The following KCNN2 variants were observed in gnomAD, a reference collection of about 807,000 sequenced individuals.
KCNN2 encodes small conductance calcium-activated potassium channel protein 2.
A neutral mutation model predicts 55.5 loss-of-function variants in KCNN2; 24 were observed. That is an observed-to-expected ratio of 0.43 (90% CI 0.31 to 0.61). The LOEUF (loss-of-function observed/expected upper bound fraction) is 0.61, where lower values mean the gene tolerates loss of function less well. KCNN2 is among the 20% of genes least tolerant of loss of function. The pLI is 0.08. For missense variants in KCNN2, 754 were observed against 853.6 expected (o/e 0.88, Z 1.45); for synonymous variants, 431 against 336.1 (o/e 1.28, Z -3.09).
intron 2 of KCNN2, among the ~76,000 whole-genome samples, chr5:114,257,290 A>G (rs894170957): frequency 3.3e-5 from 5 of 152,048 alleles, no homozygotes; most frequent in African/African-American, 9.7e-5. Flanking sequence ...GTCAGGTAAT[A>G]TGATACCTCC....
chr5:114,385,961 G>A (rs889318543), intron 2 of KCNN2, among the ~76,000 whole-genome samples: 4 of 151,596 alleles, frequency 2.6e-5, no homozygotes, highest in African/African-American at 4.9e-5. Context: ...GGCGGATCGT[G>A]AGGTCAGGAA....
At chr5:114,451,071 T>G (rs921715762) in intron 3 of KCNN2, among the ~76,000 whole-genome samples, 5 of 152,314 alleles carry the variant, frequency 3.3e-5, no homozygotes, top group Admixed American at 2.0e-4. Flanking sequence ...GTTATATAGG[T>G]GTAAGATTTG....
chr5:114,299,396 G>A (rs997936056), intron 2 of KCNN2, among the ~76,000 whole-genome samples: 2 of 152,140 alleles, frequency 1.3e-5, no homozygotes, highest in African/African-American at 4.8e-5. Flanking sequence ...AAAGAGGTAG[G>A]ATTTTCCTTA....
intron 1 of KCNN2, among the ~76,000 whole-genome samples, chr5:114,106,176 C>G (rs546714329): frequency 1.3e-5 from 2 of 151,540 alleles, no homozygotes; most frequent in African/African-American, 2.4e-5. Context: ...TAATCTTTTT[C>G]AGCTATTTTT....
chr5:114,073,590 C>G (rs906541167), intron 1 of KCNN2, among the ~76,000 whole-genome samples: 5 of 152,166 alleles, frequency 3.3e-5, no homozygotes, highest in African/African-American at 9.7e-5. Flanking sequence ...CTTACCTCCT[C>G]CTCTCCTCAT....
chr5:114,113,519 G>C (rs1482973996), intron 1 of KCNN2, among the ~76,000 whole-genome samples: 3 of 151,940 alleles, frequency 2.0e-5, no homozygotes, highest in East Asian at 3.9e-4. Flanking sequence ...AGGAGAAAAG[G>C]CAAAAAAATT....
intron 1 of KCNN2, among the ~76,000 whole-genome samples, chr5:114,149,066 G>T (rs539597308): frequency 6.6e-6 from 1 of 152,046 alleles, no homozygotes; most frequent in Non-Finnish European, 1.5e-5. Flanking sequence ...GGGAACCAAG[G>T]ACAATATTTT....
intron 2 of KCNN2, among the ~76,000 whole-genome samples, chr5:114,319,315 T>C (rs765303802): frequency 3.3e-5 from 5 of 152,114 alleles, no homozygotes; most frequent in Non-Finnish European, 7.4e-5. Flanking sequence ...GGGGATGAGC[T>C]GTTTCCCTGA....
At chr5:114,131,803 T>C (rs1011728145) in intron 1 of KCNN2, among the ~76,000 whole-genome samples, 2 of 152,232 alleles carry the variant, frequency 1.3e-5, no homozygotes, top group Non-Finnish European at 2.9e-5. Flanking sequence ...TGTTTCTTGA[T>C]TTTTTAATAA....
rs773785971 is a variant in KCNN2 at position 114,404,828 on chromosome 5, G to A, written c.1609G>A (p.Ala537Thr). ...LVFSISLWII[A>T]AWTVRACERY... is the part of the protein sequence containing the mutation. The stretch of plus-strand genomic sequence containing the variant: ...TTTTAGTATCTCATTATGGATAATT[G>A]CCGCATGGACTGTCCGAGCTTGTGA... The change falls in exon 3 of 8, where the codon GCC becomes ACC. Residue 537 changes from alanine (A) to threonine (T), a missense_variant. Physicochemically the swap from Ala to Thr is moderately conservative, Grantham distance 58. Around this residue, in one of 4 missense-constraint regions of KCNN2, gnomAD observed 86 missense variants for 233.0 expected, o/e 0.37. Coordinates refer to ENST00000673685, the MANE Select transcript of KCNN2 (RefSeq NM_021614.4). The A allele has an allele frequency of 6.2e-7, 1 of 1,613,572 alleles. No homozygotes were observed. Among genetic ancestry groups the A allele is most frequent in the Non-Finnish European group, 8.5e-7 (1 of 1,179,692 alleles).
chr5:114,256,444 G>A (rs1459708788), intron 2 of KCNN2, among the ~76,000 whole-genome samples: 1 of 152,146 alleles, frequency 6.6e-6, no homozygotes, highest in African/African-American at 2.4e-5. Context: ...AGTTCTTTGA[G>A]AAATCTCCAT....
chr5:114,374,228 C>G (rs1343745611), intron 2 of KCNN2, among the ~76,000 whole-genome samples: 1 of 151,998 alleles, frequency 6.6e-6, no homozygotes, highest in African/African-American at 2.4e-5. Context: ...TAATTAGGAC[C>G]CTGGTGACTT....
At chr5:114,093,739 A>G (rs1244237297) in intron 1 of KCNN2, among the ~76,000 whole-genome samples, 1 of 152,188 alleles carries the variant, frequency 6.6e-6, no homozygotes, top group Non-Finnish European at 1.5e-5. Flanking sequence ...GACTCTTGTG[A>G]GAACTCACTT....
chr5:114,390,999 CT>C (rs1427791339), intron 2 of KCNN2, among the ~76,000 whole-genome samples: 14 of 152,130 alleles, frequency 9.2e-5, no homozygotes, highest in African/African-American at 3.4e-4. Context: ...GTAACCTTAA[CT>C]ATCACTGCAT....
chr5:114,134,708 C>A (rs993829411), intron 1 of KCNN2, among the ~76,000 whole-genome samples: 1 of 152,048 alleles, frequency 6.6e-6, no homozygotes, highest in African/African-American at 2.4e-5. Context: ...AACTCCTGAC[C>A]TCGTGATCCA....
chr5:114,057,541 G>A (rs1750237767), intron 1 of KCNN2, among the ~76,000 whole-genome samples: 3 of 152,212 alleles, frequency 2.0e-5, no homozygotes, highest in Admixed American at 2.0e-4. Context: ...TGTGCTAGGA[G>A]ATGCAACAGT....
At chr5:114,286,826 C>G in intron 2 of KCNN2, among the ~76,000 whole-genome samples, 1 of 152,096 alleles carries the variant, frequency 6.6e-6, no homozygotes, top group East Asian at 1.9e-4. Context: ...TATAGAAAGT[C>G]AGACAGAAGA....
intron 2 of KCNN2, among the ~76,000 whole-genome samples, chr5:114,256,360 G>GCTTTTTCTTTGTGTGGACACCCA (rs1320747218): frequency 6.6e-6 from 1 of 152,032 alleles, no homozygotes; most frequent in Non-Finnish European, 1.5e-5. Context: ...GTATATTTTT[G>GCTTTTTCTTTGTGTGGACACCCA]GTATAATGAT....
intron 2 of KCNN2, among the ~76,000 whole-genome samples, chr5:114,332,174 T>C (rs1169561332): frequency 6.6e-6 from 1 of 152,194 alleles, no homozygotes; most frequent in African/African-American, 2.4e-5. Flanking sequence ...TTCTCTTCCC[T>C]CAGGGAATTT....
Sources: allele counts gnomAD v4.1 joint callset (sites outside exome capture counted in the v4.1 genomes callset), GRCh38; gene constraint gnomAD v4.1.1; regional missense constraint gnomAD v4.1.1; transcripts MANE v1.5; gene names NCBI Gene and HGNC (gene_info 2026-07-23, HGNC 2026-07-21).